SAFB: variants seen among roughly 807,000 people sequenced by gnomAD.
SAFB encodes the protein scaffold attachment factor B1.
A neutral mutation model predicts 101.6 loss-of-function variants in SAFB; 15 were observed. That is an observed-to-expected ratio of 0.15 (90% CI 0.10 to 0.23). SAFB has a LOEUF of 0.23. Ranked by LOEUF, SAFB falls within the 10% of genes least tolerant of loss-of-function variation. The probability of loss-of-function intolerance (pLI) is 1.00; values close to 1 mark genes in which losing one functional copy is unlikely to be tolerated. For synonymous variants in SAFB, 449 were observed against 407.5 expected, an observed-to-expected ratio of 1.10 and a Z score of -1.23; for missense variants, 930 against 1,104.1, an observed-to-expected ratio of 0.84 and a Z score of 2.23.
intron 15 of SAFB, among the ~76,000 whole-genome samples, chr19:5,662,736 G>C (rs191787388): frequency 6.6e-6 from 1 of 151,224 alleles, no homozygotes; most frequent in East Asian, 2.0e-4. Context: ...CACCTCCTGG[G>C]TTCAAGCGAT....
intron 1 of SAFB, 102 bp downstream of exon 1, chr19:5,623,496 G>A: frequency 1.0e-6 from 1 of 983,014 alleles, no homozygotes; most frequent in East Asian, 2.9e-5. Flanking sequence ...CCGCGTTCGC[G>A]GCCTCGCCGG....
Position 5,623,153 on chromosome 19 carries a change from A to G in SAFB, c.-53A>G. ...GGCGCCATTTTGTGCTAGGAGCCTG[A>G]TAAAACCGGCCCGGTTCTGTGGAAA... is the stretch of plus-strand genomic sequence containing the variant. On this transcript the variant is annotated 5_prime_UTR_variant, in exon 1 of 21. Transcript: ENST00000588852. 4 of 1,533,962 alleles carry G rather than the reference A, an allele frequency of 2.6e-6. No individual in the cohort carries two copies. Among genetic ancestry groups the G allele is most frequent in the Non-Finnish European group, 3.5e-6 (4 of 1,135,146 alleles).
chr19:5,648,771 G>A, intron 6 of SAFB: 1 of 728,508 alleles, frequency 1.4e-6, no homozygotes, highest in South Asian at 1.5e-5. Context: ...TCTCTGGGAT[G>A]CTTTTCTCTT....
Position 5,668,366 on chromosome 19 carries a change from A to AAT in SAFB, c.*78_*79dup. ...TAGGAGTTACCTTAAACTGTGTAAAAATATTTTTTTTTAATCTGCTGCCAT... is the reference window on the plus strand; with the variant it reads ...TAGGAGTTACCTTAAACTGTGTAAAAATATATTTTTTTTTAATCTGCTGCCAT... On this transcript the variant is annotated 3_prime_UTR_variant, in exon 21 of 21. Transcript: ENST00000588852. 2 of 1,504,242 alleles carry AAT rather than the reference A, an allele frequency of 1.3e-6. No individual in the cohort carries two copies. Among genetic ancestry groups the AAT allele is most frequent in the Non-Finnish European group, 1.8e-6 (2 of 1,132,968 alleles). 93.2% of individuals were successfully genotyped at this position (1,504,242 alleles called of 1,614,324 possible).
intron 2 of SAFB, among the ~76,000 whole-genome samples, chr19:5,632,977 T>C (rs1447038032): frequency 2.6e-5 from 4 of 152,234 alleles, no homozygotes; most frequent in Non-Finnish European, 5.9e-5. Context: ...GTTAGCTGAC[T>C]TCAAATGCTA....
chr19:5,647,034 A>G (rs1341020226), intron 5 of SAFB, among the ~76,000 whole-genome samples: 1 of 152,216 alleles, frequency 6.6e-6, no homozygotes, highest in East Asian at 1.9e-4. Context: ...GTGTGTATGT[A>G]AGGTGCTTAC....
rs746936486 is a variant in SAFB, at chr19:5,661,542, C to T, written c.1887C>T (p.Arg629=). 3.1e-6 allele frequency: 5 copies of T among 1,612,820 alleles called. No individual in the cohort carries two copies. Among genetic ancestry groups the T allele is most frequent in the African/African-American group, 2.7e-5 (2 of 74,946 alleles). ...SHSRVRERSE[R]EQRMQAQWER... ...GCAGGGTGCGTGAACGCAGTGAACGCGAACAACGCATGCAGGCGCAGTGGG... is the reference window on the plus strand; with the variant it reads ...GCAGGGTGCGTGAACGCAGTGAACGTGAACAACGCATGCAGGCGCAGTGGG... The change falls in exon 15 of 21, where the codon CGC becomes CGT. Residue 629 remains arginine (R), a synonymous_variant. Coordinates refer to ENST00000588852, the MANE Select transcript of SAFB (RefSeq NM_001201338.2).
chr19:5,648,524 CTG>C, intron 6 of SAFB: 1 of 303,948 alleles, frequency 3.3e-6, no homozygotes, highest in Admixed American at 5.0e-5. Context: ...ATTCCAAACA[CTG>C]TTCACTTTCT....
At chr19:5,663,527 G>A (rs962273006) in intron 15 of SAFB, among the ~76,000 whole-genome samples, 1 of 152,210 alleles carries the variant, frequency 6.6e-6, no homozygotes, top group African/African-American at 2.4e-5. Flanking sequence ...AAAGGGCCTT[G>A]TAAACTGTTC....
In SAFB at chr19:5,641,845, G is replaced by A. The variant is rs754213071; in HGVS notation, c.445G>A (p.Glu149Lys). Reference protein sequence around the residue: ...IDNGSVADCVEDDDADNLQES... With the variant: ...IDNGSVADCVKDDDADNLQES... ...TAATGGAAGCGTTGCAGATTGTGTC[G>A]AAGACGATGATGCTGATAACCTCCA... The change falls in exon 4 of 21, where the codon GAA (glutamate) becomes AAA (lysine). Residue 149 changes from glutamate (E) to lysine (K), a missense_variant. By Grantham distance (56) the Glu-to-Lys change is moderately conservative. Around this residue, in one of 7 missense-constraint regions of SAFB, gnomAD observed 119 missense variants for 171.4 expected, o/e 0.69. Coordinates refer to ENST00000588852, the MANE Select transcript of SAFB (RefSeq NM_001201338.2). The A allele has an allele frequency of 4.3e-6, 7 of 1,613,974 alleles. No homozygotes were observed. Among genetic ancestry groups the A allele is most frequent in the South Asian group, 1.1e-5 (1 of 91,076 alleles).
chr19:5,625,645 C>T lies in SAFB; in HGVS notation c.190-760C>T, dbSNP rs73920030. Among the ~76,000 whole-genome samples, 919 of 152,282 alleles carry T rather than the reference C, an allele frequency of 6.0e-3. 16 individuals carry two copies. The highest frequency in any genetic ancestry group is 0.021 in the African/African-American group (870 of 41,562). ...GGGACGTCATCGTGATTGACGTGTT[C>T]GGTACTGATGGCTTAGTTGATGCCA... is the stretch of plus-strand genomic sequence containing the variant. On this transcript the variant is annotated intron_variant, in intron 1 of 20. Coordinates refer to ENST00000588852, the MANE Select transcript of SAFB (RefSeq NM_001201338.2).
intron 13 of SAFB, 117 bp downstream of exon 13, chr19:5,654,573 A>T: frequency 1.4e-6 from 1 of 738,972 alleles, no homozygotes; most frequent in Non-Finnish European, 2.4e-6. Flanking sequence ...GCCGTTTCGA[A>T]AATGTAGAAA....
chr19:5,624,841 C>A (rs1165555131), intron 1 of SAFB, among the ~76,000 whole-genome samples: 1 of 152,132 alleles, frequency 6.6e-6, no homozygotes, highest in African/African-American at 2.4e-5. Context: ...GCCCACTGAT[C>A]TACATATTTA....
intron 8 of SAFB, 25 bp from the exon 9 acceptor site, chr19:5,650,953 T>C (rs1322772581): frequency 1.4e-6 from 2 of 1,465,616 alleles, no homozygotes; most frequent in Non-Finnish European, 1.9e-6. Context: ...ATTTGGGTTT[T>C]TACTAGAATT....
chr19:5,652,748 CTTTTTTT>C (rs2053967519), intron 9 of SAFB, among the ~76,000 whole-genome samples: 1 of 149,870 alleles, frequency 6.7e-6, no homozygotes, highest in South Asian at 2.1e-4. Flanking sequence ...TTTCTTTTTT[CTTTTTTT>C]GCCCACATTA....
intron 13 of SAFB, 149 bp downstream of exon 13, chr19:5,654,605 A>G: frequency 1.5e-6 from 1 of 645,532 alleles, no homozygotes; most frequent in Admixed American, 2.4e-5. Flanking sequence ...TTTTTTTGAG[A>G]CAGGTTCTCA....
In SAFB at chr19:5,652,106, C is replaced by G. The variant is rs2145455436; in HGVS notation, c.1294-1009C>G. 2.0e-5 allele frequency among the ~76,000 whole-genome samples: 3 copies of G among 151,956 alleles called. No individual in the cohort carries two copies. In the South Asian group the frequency reaches 6.2e-4, roughly 32 times the overall value. ...TACTTGGGACGCTAAGGCAGGATAA[C>G]AACTTGAACCCAGGAGGTGGAGGTT... is the stretch of plus-strand genomic sequence containing the variant. On this transcript the variant is annotated intron_variant, in intron 9 of 20. Transcript: ENST00000588852.
At chr19:5,663,522 G>A (rs1033352128) in intron 15 of SAFB, among the ~76,000 whole-genome samples, 1 of 152,152 alleles carries the variant, frequency 6.6e-6, no homozygotes, top group African/African-American at 2.4e-5. Flanking sequence ...TCTATAAAGG[G>A]CCTTGTAAAC....
At chr19:5,643,690 A>G (rs568404804) in intron 4 of SAFB, among the ~76,000 whole-genome samples, 1 of 152,190 alleles carries the variant, frequency 6.6e-6, no homozygotes, top group East Asian at 1.9e-4. Context: ...TTTAGTTTTA[A>G]GGGTTGAGGC....
Sources: allele counts gnomAD v4.1 joint callset (sites outside exome capture counted in the v4.1 genomes callset), GRCh38; gene constraint gnomAD v4.1.1; regional missense constraint gnomAD v4.1.1; transcripts MANE v1.5; gene names NCBI Gene and HGNC (gene_info 2026-07-23, HGNC 2026-07-21).